CSMD1: variants seen among roughly 807,000 people sequenced by gnomAD.
CSMD1 encodes CUB and sushi domain-containing protein 1.
Under a neutral mutation model 417.5 loss-of-function variants are expected in CSMD1, and 213 were observed. The ratio of observed to expected loss-of-function variants is 0.51; its 90% CI spans 0.46 to 0.57. The LOEUF (loss-of-function observed/expected upper bound fraction) is 0.57. Ranked by LOEUF, CSMD1 falls within the 20% of genes least tolerant of loss-of-function variation. The probability of loss-of-function intolerance (pLI) is 0.00; values close to 1 mark genes in which losing one functional copy is unlikely to be tolerated. For synonymous variants in CSMD1, 2,862 were observed against 1,736.8 expected, an observed-to-expected ratio of 1.65 and a Z score of -16.11; for missense variants, 6,923 against 4,529.7, an observed-to-expected ratio of 1.53 and a Z score of -15.17.
intron 1 of CSMD1, chr8:4,787,202 G>A (rs1473302315): frequency 2.2e-6 from 1 of 458,570 alleles, no homozygotes; most frequent in Non-Finnish European, 4.1e-6. Context: ...AGGGTCGCGG[G>A]GCCCCGCCAG....
intron 2 of CSMD1, among the ~76,000 whole-genome samples, chr8:4,464,737 A>T (rs1054703969): frequency 1.3e-5 from 2 of 152,132 alleles, no homozygotes; most frequent in Non-Finnish European, 2.9e-5. Flanking sequence ...TTGGATCATC[A>T]GCATCCGTTG....
intron 25 of CSMD1, among the ~76,000 whole-genome samples, chr8:3,299,076 T>C (rs570955856): frequency 6.6e-6 from 1 of 152,158 alleles, no homozygotes; most frequent in African/African-American, 2.4e-5. Context: ...TGTAGGTAAG[T>C]GTCAGTCATT....
chr8:4,061,718 T>A (rs1798982239), intron 3 of CSMD1, among the ~76,000 whole-genome samples: 1 of 152,212 alleles, frequency 6.6e-6, no homozygotes, highest in Non-Finnish European at 1.5e-5. Context: ...CATTTATTCC[T>A]TACCAAATTA....
intron 5 of CSMD1, among the ~76,000 whole-genome samples, chr8:3,823,309 T>C (rs1214364795): frequency 6.6e-6 from 1 of 152,178 alleles, no homozygotes; most frequent in East Asian, 1.9e-4. Context: ...CTGCAAACCA[T>C]CTTCTGGGTG....
At chr8:3,468,065 A>C (rs1563067576) in intron 12 of CSMD1, among the ~76,000 whole-genome samples, 1 of 152,244 alleles carries the variant, frequency 6.6e-6, no homozygotes, top group East Asian at 1.9e-4. Context: ...ACTATTTCAA[A>C]GGAGAATCCA....
At chr8:3,522,303 G>C (rs768899375) in intron 10 of CSMD1, among the ~76,000 whole-genome samples, 3 of 152,072 alleles carry the variant, frequency 2.0e-5, no homozygotes, top group Non-Finnish European at 2.9e-5. Context: ...TACGAAGTAA[G>C]AAAAAAGAGG....
At chr8:3,596,978 G>T (rs1414315160) in intron 8 of CSMD1, among the ~76,000 whole-genome samples, 4 of 152,090 alleles carry the variant, frequency 2.6e-5, no homozygotes, top group African/African-American at 2.4e-5. Context: ...TGGTGCAATG[G>T]CTCACTCTGT....
chr8:4,928,031 C>A (rs1043281731), intron 1 of CSMD1, among the ~76,000 whole-genome samples: 9 of 152,190 alleles, frequency 5.9e-5, no homozygotes, highest in African/African-American at 1.7e-4. Flanking sequence ...AAGTAGAAAT[C>A]CTTCCCTGAT....
chr8:3,896,049 C>A (rs545788007), intron 5 of CSMD1, among the ~76,000 whole-genome samples: 1 of 152,272 alleles, frequency 6.6e-6, no homozygotes, highest in East Asian at 1.9e-4. Context: ...GACTGCGGAG[C>A]GCTGGACTCA....
chr8:4,373,138 C>G (rs1285834661), intron 3 of CSMD1, among the ~76,000 whole-genome samples: 1 of 152,150 alleles, frequency 6.6e-6, no homozygotes, highest in Non-Finnish European at 1.5e-5. Flanking sequence ...ACATCAGACA[C>G]CTCCCTAGGG....
chr8:3,756,086 G>C (rs1469826807), intron 5 of CSMD1, among the ~76,000 whole-genome samples: 1 of 152,106 alleles, frequency 6.6e-6, no homozygotes, highest in African/African-American at 2.4e-5. Flanking sequence ...GCCGGGCGCA[G>C]TGGCTCACAC....
rs193110582 is a variant in CSMD1, at chr8:4,496,924, G to T, written c.303-76859C>A. Among the ~76,000 whole-genome samples, 30 of 152,242 alleles carry T rather than the reference G, an allele frequency of 2.0e-4. No individual in the cohort carries two copies. In the East Asian group the frequency reaches 3.7e-3, roughly 19 times the overall value. On this transcript the variant is annotated intron_variant, in intron 2 of 69. Transcript: ENST00000635120. Reference sequence around the variant, plus strand: ...ATGCTTGTTTTGTGAATCAAAGAGCGCAGGCACAGAGGCTGGAGGAAGCAA... The same window carrying T: ...ATGCTTGTTTTGTGAATCAAAGAGCTCAGGCACAGAGGCTGGAGGAAGCAA...
At chr8:3,199,886 A>G (rs1421317980) in intron 32 of CSMD1, 77 bp from the exon 33 acceptor site, 3 of 821,436 alleles carry the variant, frequency 3.7e-6, no homozygotes, top group Non-Finnish European at 5.8e-6. Context: ...AAATGGTGAT[A>G]AAGTTGAAAT....
At chr8:3,276,470 AG>A (rs1802299699) in intron 26 of CSMD1, among the ~76,000 whole-genome samples, 1 of 152,182 alleles carries the variant, frequency 6.6e-6, no homozygotes, top group South Asian at 2.1e-4. Context: ...GAGCTTGTGC[AG>A]GGAAACTCCC....
intron 10 of CSMD1, among the ~76,000 whole-genome samples, chr8:3,559,047 G>C (rs1799351686): frequency 1.3e-5 from 2 of 152,186 alleles, no homozygotes; most frequent in South Asian, 2.1e-4. Flanking sequence ...GACATGTAAA[G>C]GACCATGGAG....
At chr8:3,529,366 G>C (rs940347356) in intron 10 of CSMD1, among the ~76,000 whole-genome samples, 8 of 152,156 alleles carry the variant, frequency 5.3e-5, no homozygotes, top group Non-Finnish European at 1.0e-4. Flanking sequence ...TCAAGAAAGA[G>C]TAACTCCCTC....
At chr8:3,777,866 C>T (rs1254377611) in intron 5 of CSMD1, among the ~76,000 whole-genome samples, 1 of 150,120 alleles carries the variant, frequency 6.7e-6, no homozygotes, top group Non-Finnish European at 1.5e-5. Flanking sequence ...GTTCCCACTC[C>T]AGACCCGCAG....
intron 7 of CSMD1, among the ~76,000 whole-genome samples, chr8:3,643,520 G>C (rs575444359): frequency 6.6e-6 from 1 of 152,020 alleles, no homozygotes; most frequent in East Asian, 2.0e-4. Context: ...GGCTAACACA[G>C]TGAAATCCAG....
rs375576709 is a variant in CSMD1 at position 4,452,625 on chromosome 8, T to G, written c.303-32560A>C. Among the ~76,000 whole-genome samples, 17 of 152,182 alleles carry G rather than the reference T, an allele frequency of 1.1e-4. No homozygotes were observed. The South Asian group carries it at 2.3e-3, about 21-fold the overall frequency. On this transcript the variant is annotated intron_variant, in intron 2 of 69. Transcript: ENST00000635120. ...AAAAGATAATAGTTTTTATGTGAAG[T>G]GCACAATGAAAAATTCTTGAGTGAA...
Sources: allele counts gnomAD v4.1 joint callset (sites outside exome capture counted in the v4.1 genomes callset), GRCh38; gene constraint gnomAD v4.1.1; transcripts MANE v1.5; gene names NCBI Gene and HGNC (gene_info 2026-07-23, HGNC 2026-07-21).